NCOA7: variants seen among roughly 807,000 people sequenced by gnomAD.
NCOA7 encodes the protein 140 kDa estrogen receptor-associated protein.
In NCOA7, 45 loss-of-function variants were observed where a neutral mutation model predicts 104.3. The ratio of observed to expected loss-of-function variants is 0.43; its 90% CI spans 0.34 to 0.55. The LOEUF is 0.55. NCOA7 is among the 20% of genes least tolerant of loss of function. The probability of loss-of-function intolerance (pLI) is 0.02; values close to 1 mark genes in which losing one functional copy is unlikely to be tolerated. For synonymous variants in NCOA7, 398 were observed against 402.3 expected (o/e 0.99, Z 0.13); for missense variants, 1,041 against 1,119.7 (o/e 0.93, Z 1.00).
At chr6:125,859,017 G>T (rs917482624) in intron 3 of NCOA7, among the ~76,000 whole-genome samples, 6 of 152,190 alleles carry the variant, frequency 3.9e-5, no homozygotes, top group African/African-American at 1.4e-4. Context: ...AAGGATTTGG[G>T]ATTTACCTTG....
intron 7 of NCOA7, among the ~76,000 whole-genome samples, chr6:125,882,829 T>C (rs1370246583): frequency 6.6e-6 from 1 of 152,192 alleles, no homozygotes; most frequent in Non-Finnish European, 1.5e-5. Context: ...CAATATACTG[T>C]ACATATAACA....
chr6:125,831,721 A>G (rs1424738371), intron 2 of NCOA7, among the ~76,000 whole-genome samples: 2 of 152,120 alleles, frequency 1.3e-5, no homozygotes, highest in Non-Finnish European at 2.9e-5. Flanking sequence ...AACTTCACCC[A>G]GTGGGCCTAT....
At chr6:125,813,205 G>A (rs952000979) in intron 1 of NCOA7, among the ~76,000 whole-genome samples, 4 of 152,082 alleles carry the variant, frequency 2.6e-5, no homozygotes, top group African/African-American at 7.2e-5. Flanking sequence ...AAATGCTGCC[G>A]CTGGGTTCAG....
intron 7 of NCOA7, among the ~76,000 whole-genome samples, chr6:125,884,167 G>C (rs542686664): frequency 2.0e-5 from 3 of 152,208 alleles, no homozygotes; most frequent in African/African-American, 4.8e-5. Flanking sequence ...GTTCATCCAT[G>C]TTATTGCAAA....
At chr6:125,918,018 C>T (rs1353421510) in intron 11 of NCOA7, among the ~76,000 whole-genome samples, 1 of 152,158 alleles carries the variant, frequency 6.6e-6, no homozygotes, top group Non-Finnish European at 1.5e-5. Flanking sequence ...TGAAAATAAG[C>T]TGTTAATTTA....
At chr6:125,846,196 C>A (rs1158075542) in intron 2 of NCOA7, among the ~76,000 whole-genome samples, 2 of 151,616 alleles carry the variant, frequency 1.3e-5, no homozygotes, top group East Asian at 3.9e-4. Context: ...CTTTTAATAG[C>A]CTTTGTAGAG....
At chr6:125,840,868 G>GGTTT (rs1780075330) in intron 2 of NCOA7, among the ~76,000 whole-genome samples, 2 of 40,340 alleles carry the variant, frequency 5.0e-5, no homozygotes, top group African/African-American at 2.1e-4. Flanking sequence ...TGTTTGGTTG[G>GGTTT]TTTTTTTTTT....
At chr6:125,885,520 A>G (rs990256882) in intron 8 of NCOA7, among the ~76,000 whole-genome samples, 177 bp downstream of exon 8, 2 of 152,138 alleles carry the variant, frequency 1.3e-5, no homozygotes, top group Non-Finnish European at 2.9e-5. Context: ...AAAATCAATG[A>G]TGGGAAAAGT....
At chr6:125,869,676 C>G (rs1176375826) in intron 3 of NCOA7, among the ~76,000 whole-genome samples, 1 of 152,212 alleles carries the variant, frequency 6.6e-6, no homozygotes, top group Non-Finnish European at 1.5e-5. Context: ...GCGTTGCTGG[C>G]TCTGCGGGTG....
Position 125,931,816 on chromosome 6 carries a change from CATGGGGG to C in NCOA7, c.*3046_*3052del. ...GGGACCTAGTGGGATGTGATTAGAA[CATGGGGG>C]CGGTTTCCCCCATGCTGTTCTCATG... On this transcript the variant is annotated 3_prime_UTR_variant, in exon 16 of 16. Transcript: ENST00000392477. 6.6e-6 allele frequency: 1 copy of C among 152,198 alleles called. No homozygotes were observed. Among genetic ancestry groups the C allele is most frequent in the African/African-American group, 2.4e-5 (1 of 41,436 alleles). 9.4% of individuals were successfully genotyped at this position (152,198 alleles called of 1,614,324 possible).
At chr6:125,829,686 T>C (rs1778987468) in intron 2 of NCOA7, among the ~76,000 whole-genome samples, 1 of 152,166 alleles carries the variant, frequency 6.6e-6, no homozygotes, top group South Asian at 2.1e-4. Context: ...AATTCTAATT[T>C]AGTGCACTGT....
At chr6:125,820,891 A>G (rs796580896) in intron 2 of NCOA7, among the ~76,000 whole-genome samples, 20 of 152,306 alleles carry the variant, frequency 1.3e-4, no homozygotes, top group African/African-American at 4.8e-4. Flanking sequence ...TATATAGTCA[A>G]AGGGCCTTGA....
rs1784446163 is a variant in NCOA7, at chr6:125,889,149, C to T, written c.1095C>T (p.Ser365=). The T allele has an allele frequency of 2.5e-6, 4 of 1,614,166 alleles. No homozygotes were observed. Among genetic ancestry groups the T allele is most frequent in the Non-Finnish European group, 2.5e-6 (3 of 1,180,012 alleles). ...ATACACCTACAAAGCCCTCAGGCAG[C>T]TCTGTGTCAGAGAAATTAAAGAAAC... ...TGHTPTKPSG[S]SVSEKLKKLD... Residue 365 remains serine (S), a synonymous_variant, in exon 9 of 16, where the codon AGC becomes AGT. Transcript: ENST00000392477.
At chr6:125,809,751 T>C (rs1648375820) in intron 1 of NCOA7, among the ~76,000 whole-genome samples, 1 of 152,210 alleles carries the variant, frequency 6.6e-6, no homozygotes, top group African/African-American at 2.4e-5. Flanking sequence ...TGACCAAGCC[T>C]CAATGTGTAC....
intron 1 of NCOA7, chr6:125,796,664 T>TC (rs1213208192): frequency 6.6e-6 from 1 of 151,740 alleles, no homozygotes; most frequent in Non-Finnish European, 1.5e-5. Context: ...CAATTTTTTT[T>TC]TTTTTTTTGA....
chr6:125,880,966 G>A (rs758534781), intron 5 of NCOA7, 124 bp from the exon 6 acceptor site: 12 of 683,012 alleles, frequency 1.8e-5, no homozygotes, highest in Non-Finnish European at 2.6e-5. Flanking sequence ...TGAGTTTCTT[G>A]AAAGCAACCT....
intron 3 of NCOA7, among the ~76,000 whole-genome samples, chr6:125,874,381 G>A (rs532064503): frequency 3.3e-5 from 5 of 152,268 alleles, no homozygotes; most frequent in South Asian, 2.1e-4. Flanking sequence ...GTTGTTGGAC[G>A]TATTCTTTTT....
intron 1 of NCOA7, among the ~76,000 whole-genome samples, chr6:125,809,383 A>G (rs535439069): frequency 2.6e-5 from 4 of 152,156 alleles, no homozygotes; most frequent in Non-Finnish European, 4.4e-5. Context: ...GAGTTTTGCC[A>G]TGTTGGATAG....
rs36082464 is a variant in NCOA7 at position 125,920,999 on chromosome 6, C to T, written c.2301C>T (p.Asp767=). The T allele has an allele frequency of 1.2e-3, 1,996 of 1,613,884 alleles. 18 individuals carry two copies. The African/African-American group carries it at 0.019, about 15-fold the overall frequency. The change falls in exon 12 of 16, where the codon GAC becomes GAT. Residue 767 remains aspartate, a synonymous_variant. Transcript: ENST00000392477. ...RRKSTCSYYE[D]EDEEVLPVLR... is the part of the protein sequence containing the mutation. ...AGAGCACATGCAGCTACTATGAAGA[C>T]GAGGACGAAGAGGTGCTGCCTGTCC...
Sources: allele counts gnomAD v4.1 joint callset (sites outside exome capture counted in the v4.1 genomes callset), GRCh38; gene constraint gnomAD v4.1.1; transcripts MANE v1.5; gene names NCBI Gene and HGNC (gene_info 2026-07-23, HGNC 2026-07-21).